Variants in PTPRS observed in about 807,000 individuals in gnomAD.
PTPRS encodes receptor-type tyrosine-protein phosphatase S.
PTPRS carries 63 observed loss-of-function variants against 215.3 expected under a neutral mutation model. The observed-to-expected ratio is 0.29, with a 90% CI of 0.24 to 0.36. The LOEUF (loss-of-function observed/expected upper bound fraction) is 0.36. PTPRS is among the 10% of genes least tolerant of loss of function. PTPRS has a pLI of 1.00. For synonymous variants in PTPRS, 1,404 were observed against 1,191.4 expected (o/e 1.18, Z -3.68); for missense variants, 2,258 against 2,825.8 (o/e 0.80, Z 4.56).
At chr19:5,322,905 A>T (rs2050070108) in intron 1 of PTPRS, among the ~76,000 whole-genome samples, 1 of 100,680 alleles carries the variant, frequency 9.9e-6, no homozygotes, top group Non-Finnish European at 2.1e-5. Flanking sequence ...AAAAAAGAAG[A>T]AGAAGAAGAA....
At chr19:5,291,916 C>CA (rs35586132) in intron 1 of PTPRS, among the ~76,000 whole-genome samples, 1 of 151,998 alleles carries the variant, frequency 6.6e-6, no homozygotes, top group Non-Finnish European at 1.5e-5. Flanking sequence ...TGATCCCCCC[C>CA]ACTTGTGGCC....
intron 24 of PTPRS, 77 bp downstream of exon 24, chr19:5,218,710 C>T: frequency 6.4e-7 from 1 of 1,571,578 alleles, no homozygotes; most frequent in Non-Finnish European, 8.8e-7. Context: ...ATCCCCTCTC[C>T]TGTGGGCACA....
Position 5,244,318 on chromosome 19 carries a change from T to A in PTPRS, c.1153A>T (p.Thr385Ser), listed in dbSNP as rs752997060. ...CTCAGGCCGCCGATGCTGTAACGTG[T>A]GGTGGTGATGTCCTCTTTAATCTGA... ...PYQIKEDITT[T>S]RYSIGGLSPN... The change falls in exon 11 of 38, where the codon ACA becomes TCA. Residue 385 changes from threonine (T) to serine (S), a missense_variant. Transcript: ENST00000262963. This position sits in a 1 kb window ranked among gnomAD's most constrained non-coding sequence, Gnocchi z 7.2. 1.9e-6 allele frequency: 3 copies of A among 1,614,174 alleles called. No homozygotes were observed. The highest frequency in any genetic ancestry group is 2.5e-6 in the Non-Finnish European group (3 of 1,180,032).
chr19:5,229,431 G>A, intron 15 of PTPRS, 60 bp downstream of exon 15: 6 of 1,363,588 alleles, frequency 4.4e-6, no homozygotes, highest in Non-Finnish European at 5.7e-6. Context: ...GGTGGGGGGA[G>A]CGCAAGGGCC....
At position 5,206,675 on chromosome 19, in the gene PTPRS, C is replaced by A. The variant is rs1056940708; in HGVS notation, c.*99G>T. The A allele has an allele frequency of 8.6e-6, 9 of 1,049,370 alleles. No individual in the cohort carries two copies. The highest frequency in any genetic ancestry group is 7.5e-5 in the Admixed American group (4 of 53,292). 65.0% of individuals were successfully genotyped at this position (1,049,370 alleles called of 1,614,324 possible). Reference sequence around the variant, plus strand: ...AACACAGCTGCTGCCGCTGCCACCTCCTGCCCTGCCCACTGGGGGTCCAGG... The same window carrying A: ...AACACAGCTGCTGCCGCTGCCACCTACTGCCCTGCCCACTGGGGGTCCAGG... On this transcript the variant is annotated 3_prime_UTR_variant, in exon 38 of 38. Transcript: ENST00000262963.
intron 1 of PTPRS, among the ~76,000 whole-genome samples, chr19:5,291,082 C>T (rs937299079): frequency 6.6e-6 from 1 of 151,992 alleles, no homozygotes; most frequent in Non-Finnish European, 1.5e-5. Context: ...CTTCCCGGAA[C>T]TGAAGTCCGG....
In PTPRS at chr19:5,218,540, A is replaced by G; in HGVS notation, c.3936-8T>C. 6.2e-7 allele frequency: 1 copy of G among 1,613,808 alleles called. No homozygotes were observed. Among genetic ancestry groups the G allele is most frequent in the African/African-American group, 1.3e-5 (1 of 74,976 alleles). ...TCTGAGTCCTTGCGTTTACTTTAGG[A>G]GAAGCAAGCGGAACAGTCCAGTTAG... On this transcript the variant is annotated splice_polypyrimidine_tract_variant and splice_region_variant and intron_variant, in intron 24 of 37. Coordinates refer to ENST00000262963, the MANE Select transcript of PTPRS (RefSeq NM_002850.4).
intron 1 of PTPRS, among the ~76,000 whole-genome samples, chr19:5,291,524 G>A (rs180728067): frequency 4.0e-5 from 6 of 151,630 alleles, no homozygotes; most frequent in East Asian, 1.9e-4. Flanking sequence ...ACACACCCAC[G>A]GGGGCTCCCA....
rs758652323 is a variant in PTPRS, at chr19:5,210,785, G to A, written c.5255C>T (p.Ala1752Val). The A allele has an allele frequency of 8.1e-6, 13 of 1,613,922 alleles. No homozygotes were observed. Among genetic ancestry groups the A allele is most frequent in the Admixed American group, 3.3e-5 (2 of 60,022 alleles). Residue 1752 changes from alanine to valine, a missense_variant, in exon 34 of 38, where the codon GCG (alanine) becomes GTG (valine). Coordinates refer to ENST00000262963, the MANE Select transcript of PTPRS (RefSeq NM_002850.4). This position sits in a 1 kb window ranked among gnomAD's most constrained non-coding sequence, Gnocchi z 4.5. ...DGYRQQKAYIATQGPLAETTE... is the reference protein window; with the variant it reads ...DGYRQQKAYIVTQGPLAETTE... Reference sequence around the variant, plus strand: ...GGTCTCCGCCAGCGGCCCCTGTGTCGCGATGTAGGCCTTCTGCTGCCTGCA... The same window carrying A: ...GGTCTCCGCCAGCGGCCCCTGTGTCACGATGTAGGCCTTCTGCTGCCTGCA...
At chr19:5,207,278 T>G (rs1449199971) in intron 37 of PTPRS, among the ~76,000 whole-genome samples, 2 of 152,170 alleles carry the variant, frequency 1.3e-5, no homozygotes, top group Non-Finnish European at 2.9e-5. Flanking sequence ...AGAGACAGGG[T>G]TTCGCCATGT....
At chr19:5,240,889 A>T (rs1471861892) in intron 11 of PTPRS, among the ~76,000 whole-genome samples, 3 of 106,344 alleles carry the variant, frequency 2.8e-5, no homozygotes, top group Admixed American at 9.6e-5. Flanking sequence ...AATCCCCTTC[A>T]TTTTTTTTTT....
intron 4 of PTPRS, among the ~76,000 whole-genome samples, chr19:5,272,739 T>C (rs2047031409): frequency 6.6e-6 from 1 of 152,108 alleles, no homozygotes; most frequent in East Asian, 1.9e-4. Flanking sequence ...CGTTCATCCT[T>C]TATTTTTTGT....
chr19:5,319,451 C>A (rs2049967939), intron 1 of PTPRS, among the ~76,000 whole-genome samples: 1 of 149,340 alleles, frequency 6.7e-6, no homozygotes. Flanking sequence ...TATCCCAAAT[C>A]CACTTGCTTC....
At position 5,206,751 on chromosome 19, in the gene PTPRS, CG is replaced by C; in HGVS notation, c.*22del. ...CAGAGGCATCCGGGGCCAGTGGTGT[CG>C]GGCCTGGGGGGAACCATGGCTTTAG... is the stretch of plus-strand genomic sequence containing the variant. On this transcript the variant is annotated 3_prime_UTR_variant, in exon 38 of 38. Coordinates refer to ENST00000262963, the MANE Select transcript of PTPRS (RefSeq NM_002850.4). 1 of 1,610,508 alleles carries C rather than the reference CG, an allele frequency of 6.2e-7. No individual in the cohort carries two copies. Among genetic ancestry groups the C allele is most frequent in the Non-Finnish European group, 8.5e-7 (1 of 1,176,940 alleles).
intron 2 of PTPRS, among the ~76,000 whole-genome samples, chr19:5,284,275 G>A (rs1300010694): frequency 6.6e-6 from 1 of 151,870 alleles, no homozygotes; most frequent in East Asian, 1.9e-4. Flanking sequence ...CAGGAGGATC[G>A]CTTGAATCTG....
rs775470098 is a variant in PTPRS, at chr19:5,222,679, G to A, written c.3103+10C>T. ...GTCCGGCTCTGGTGCAGGGGTCGCC[G>A]CGCGCCTACCTTGGTCCCGCAGGAA... On this transcript the variant is annotated intron_variant, in intron 18 of 37. Transcript: ENST00000262963. 9.2e-5 allele frequency: 144 copies of A among 1,560,466 alleles called. No individual in the cohort carries two copies. The highest frequency in any genetic ancestry group is 1.2e-4 in the Non-Finnish European group (136 of 1,160,814).
At chr19:5,251,954 C>CT in intron 9 of PTPRS, among the ~76,000 whole-genome samples, 1 of 152,218 alleles carries the variant, frequency 6.6e-6, no homozygotes, top group Middle Eastern at 3.4e-3. Context: ...AGCCCACCAT[C>CT]TATGTCTGTC....
intron 9 of PTPRS, among the ~76,000 whole-genome samples, chr19:5,253,987 G>A (rs1256311345): frequency 2.0e-5 from 3 of 152,132 alleles, no homozygotes; most frequent in East Asian, 1.9e-4. Context: ...TCAAGGTCAC[G>A]TAGCCAGGGA....
Position 5,302,395 on chromosome 19 carries a change from G to A in PTPRS, c.-94-16161C>T, listed in dbSNP as rs1482048169. Among the ~76,000 whole-genome samples, 4 of 152,192 alleles carry A rather than the reference G, an allele frequency of 2.6e-5. No homozygotes were observed. In the South Asian group the frequency reaches 6.2e-4, roughly 24 times the overall value. ...AACAACTTTCATGCCACTGTCTCCCGTCTTTTCCTTAAACCAATTTACTTA... is the reference window on the plus strand; with the variant it reads ...AACAACTTTCATGCCACTGTCTCCCATCTTTTCCTTAAACCAATTTACTTA... On this transcript the variant is annotated intron_variant, in intron 1 of 37. Transcript: ENST00000262963.
Sources: gnomAD v4.1 joint callset for allele counts (sites outside exome capture counted in the v4.1 genomes callset) on GRCh38, gnomAD v4.1.1 for gene constraint, Gnocchi (gnomAD v3.1) non-coding constraint, MANE v1.5 for transcripts, NCBI Gene and HGNC (gene_info 2026-07-23, HGNC 2026-07-21) for gene names.